The following ZDBF2 variants were observed in gnomAD, a reference collection of about 807,000 sequenced individuals.
The protein encoded by ZDBF2 is zinc finger DBF-type containing 2, also known as DBF4-type zinc finger-containing protein 2.
ZDBF2 carries 6 observed loss-of-function variants against 9.4 expected under a neutral mutation model. That is an observed-to-expected ratio of 0.64 (90% CI 0.35 to 1.27). The LOEUF (loss-of-function observed/expected upper bound fraction) is 1.27. Ranked by LOEUF, ZDBF2 falls within the 50% of genes most tolerant of loss-of-function variation. The pLI is 0.03. For synonymous variants in ZDBF2, 905 were observed against 946.3 expected (o/e 0.96, Z 0.80); for missense variants, 2,697 against 2,766.8 (o/e 0.97, Z 0.57).
At chr2:206,300,183 ACAAAAAC>A (rs1000948256) in intron 4 of ZDBF2, among the ~76,000 whole-genome samples, 7 of 152,324 alleles carry the variant, frequency 4.6e-5, no homozygotes, top group Admixed American at 3.3e-4. Flanking sequence ...TTTTAAAAAC[ACAAAAAC>A]CAAAAACCAA....
chr2:206,294,935 C>T (rs957437018), intron 3 of ZDBF2, among the ~76,000 whole-genome samples: 2 of 151,976 alleles, frequency 1.3e-5, no homozygotes, highest in African/African-American at 4.8e-5. Flanking sequence ...TGCATTTGTC[C>T]CCTTTAATCA....
rs1690888474 is a variant in ZDBF2, at chr2:206,274,816, A to T, written c.-233A>T. ...GTCGCCTATTTCTGGCTCCGCGGGC[A>T]GCGGGGCCGTGGCGCTCGGACGGTC... On this transcript the variant is annotated 5_prime_UTR_variant, in exon 1 of 5. Coordinates refer to ENST00000374423, the MANE Select transcript of ZDBF2 (RefSeq NM_020923.3). 3 of 152,180 alleles carry T rather than the reference A, an allele frequency of 2.0e-5. No homozygotes were observed. Among genetic ancestry groups the T allele is most frequent in the African/African-American group, 7.2e-5 (3 of 41,542 alleles). 9.4% of individuals were successfully genotyped at this position (152,180 alleles called of 1,614,324 possible). A position where few individuals can be genotyped will look rare whatever the true frequency, so the allele number is the denominator to read the frequency against.
chr2:206,307,518 G>C lies in ZDBF2; in HGVS notation c.2990G>C (p.Gly997Ala), dbSNP rs375019600. 1.9e-6 allele frequency: 3 copies of C among 1,613,732 alleles called. No individual in the cohort carries two copies. The highest frequency in any genetic ancestry group is 1.7e-6 in the Non-Finnish European group (2 of 1,179,736). ...EFQGRSTEFS[G>A]SKTSLDSGVP... is the part of the protein sequence containing the mutation. ...CAAGGTAGAAGTACTGAATTCAGTG[G>C]TTCAAAAACAAGTTTAGATTCTGGT... Residue 997 changes from glycine (G) to alanine (A), a missense_variant, in exon 5 of 5, where the codon GGT becomes GCT. Physicochemically the swap from Gly to Ala is moderately conservative, Grantham distance 60 (BLOSUM62 0). Coordinates refer to ENST00000374423, the MANE Select transcript of ZDBF2 (RefSeq NM_020923.3).
chr2:206,305,781 C>G lies in ZDBF2; in HGVS notation c.1253C>G (p.Thr418Ser), dbSNP rs1207485076. 4 of 1,613,630 alleles carry G rather than the reference C, an allele frequency of 2.5e-6. No individual in the cohort carries two copies. Among genetic ancestry groups the G allele is most frequent in the Admixed American group, 3.3e-5 (2 of 59,992 alleles). Residue 418 changes from threonine to serine, a missense_variant, in exon 5 of 5, where the codon ACT (threonine) becomes AGT (serine). Around this residue, in one of 3 missense-constraint regions of ZDBF2, gnomAD observed 910 missense variants for 973.6 expected, o/e 0.93. Transcript: ENST00000374423. ...TGCAGTTCCTCTTTTCATTCACTGA[C>G]TGACCAATCTAAAGTGAGTGCCAAA... ...FDCSSSFHSLTDQSKVSAKEV... is the reference protein window; with the variant it reads ...FDCSSSFHSLSDQSKVSAKEV...
Position 206,305,119 on chromosome 2 carries a change from T to C in ZDBF2, c.591T>C (p.Asp197=). ...PASCLPESSN[D]RPVTANTTSL... The stretch of plus-strand genomic sequence containing the variant: ...GTTGTTTACCTGAAAGCTCTAACGA[T>C]AGACCAGTTACAGCTAATACAACTA... Residue 197 remains aspartate (D), a synonymous_variant, in exon 5 of 5, where the codon GAT becomes GAC. Transcript: ENST00000374423. The C allele has an allele frequency of 6.2e-7, 1 of 1,613,840 alleles. No homozygotes were observed. The highest frequency in any genetic ancestry group is 1.7e-5 in the Admixed American group (1 of 59,976).
In ZDBF2 at chr2:206,306,170, T is replaced by C; in HGVS notation, c.1642T>C (p.Ser548Pro). 3 of 1,613,722 alleles carry C rather than the reference T, an allele frequency of 1.9e-6. No homozygotes were observed. The highest frequency in any genetic ancestry group is 2.5e-6 in the Non-Finnish European group (3 of 1,179,794). Residue 548 changes from serine to proline, a missense_variant, in exon 5 of 5, where the codon TCA becomes CCA. Around this residue, in one of 3 missense-constraint regions of ZDBF2, gnomAD observed 910 missense variants for 973.6 expected, o/e 0.93. Transcript: ENST00000374423. Reference sequence around the variant, plus strand: ...TGCTGATTCTGTTTTCCCACTGCAGTCAGTGGTTGACAGACCCCCAGTGGC... The same window carrying C: ...TGCTGATTCTGTTTTCCCACTGCAGCCAGTGGTTGACAGACCCCCAGTGGC... ...VSADSVFPLQ[S>P]VVDRPPVAVT...
intron 4 of ZDBF2, among the ~76,000 whole-genome samples, chr2:206,297,960 C>T (rs941177063): frequency 1.3e-5 from 2 of 152,126 alleles, no homozygotes; most frequent in African/African-American, 2.4e-5. Flanking sequence ...AGATTACAGG[C>T]GTGAGCTACC....
intron 3 of ZDBF2, among the ~76,000 whole-genome samples, chr2:206,285,652 A>G (rs563425995): frequency 8.9e-4 from 135 of 152,182 alleles, no homozygotes; most frequent in African/African-American, 3.0e-3. Context: ...CTTCAGTTTG[A>G]TATTATCCAG....
chr2:206,308,168 C>T lies in ZDBF2; in HGVS notation c.3640C>T (p.Leu1214=). Residue 1214 remains leucine, a synonymous_variant, in exon 5 of 5, where the codon CTG becomes TTG. Transcript: ENST00000374423. ...CCCTCTTCAGTCAGTGGCTGACCGG[C>T]TGAGAGAAACCGTTAAAGAAATAAG... ...DDPLQSVADR[L]RETVKEISLW... The T allele has an allele frequency of 3.7e-6, 6 of 1,613,760 alleles. No homozygotes were observed. The highest frequency in any genetic ancestry group is 5.1e-6 in the Non-Finnish European group (6 of 1,179,804).
Position 206,312,254 on chromosome 2 carries a change from T to G in ZDBF2, c.*661T>G, listed in dbSNP as rs968527890. On this transcript the variant is annotated 3_prime_UTR_variant, in exon 5 of 5. Transcript: ENST00000374423. ...TTAGATCTTAAAGGGGAAAATAATT[T>G]TGCCCATGTGTTTAGGCATTCCCCC... 6.6e-6 allele frequency: 1 copy of G among 152,162 alleles called. No homozygotes were observed. Among genetic ancestry groups the G allele is most frequent in the African/African-American group, 2.4e-5 (1 of 41,432 alleles). 9.4% of individuals were successfully genotyped at this position (152,162 alleles called of 1,614,324 possible).
rs536283019 is a variant in ZDBF2, at chr2:206,292,142, G to A, written c.61-5104G>A. Reference sequence around the variant, plus strand: ...GTAAATATGTAGGCAATCAATCTAAGTGAATACTGTCTTGTGGGATGAACA... The same window carrying A: ...GTAAATATGTAGGCAATCAATCTAAATGAATACTGTCTTGTGGGATGAACA... On this transcript the variant is annotated intron_variant, in intron 3 of 4. Coordinates refer to ENST00000374423, the MANE Select transcript of ZDBF2 (RefSeq NM_020923.3). The A allele has an allele frequency of 1.9e-3, 762 of 398,232 alleles. 1 individual carries two copies. Among genetic ancestry groups the A allele is most frequent in the Middle Eastern group, 3.8e-3 (6 of 1,582 alleles). 24.7% of individuals were successfully genotyped at this position (398,232 alleles called of 1,614,324 possible).
rs1690888615 is a variant in ZDBF2 at position 206,274,819 on chromosome 2, G to T, written c.-230G>T. 1 of 152,166 alleles carries T rather than the reference G, an allele frequency of 6.6e-6. No homozygotes were observed. The highest frequency in any genetic ancestry group is 2.4e-5 in the African/African-American group (1 of 41,454). The allele number at this position is 152,166 out of a possible 1,614,324, so 9.4% of individuals were successfully genotyped here. ...GCCTATTTCTGGCTCCGCGGGCAGC[G>T]GGGCCGTGGCGCTCGGACGGTCTGG... On this transcript the variant is annotated 5_prime_UTR_variant, in exon 1 of 5. Transcript: ENST00000374423.
chr2:206,285,772 T>A (rs1233490049), intron 3 of ZDBF2, among the ~76,000 whole-genome samples: 1 of 152,232 alleles, frequency 6.6e-6, no homozygotes, highest in Admixed American at 6.5e-5. Flanking sequence ...AGTAGTGTCA[T>A]AGTTTTGGGG....
At chr2:206,292,224 A>G (rs1559138924) in intron 3 of ZDBF2, 4 of 396,562 alleles carry the variant, frequency 1.0e-5, no homozygotes, top group East Asian at 3.6e-5. Flanking sequence ...AGGACTTTGC[A>G]TTGTTTATAA....
rs376406681 is a variant in ZDBF2, at chr2:206,309,492, A to G, written c.4964A>G (p.Asp1655Gly). Residue 1655 changes from aspartate (D) to glycine (G), a missense_variant, in exon 5 of 5, where the codon GAT (aspartate) becomes GGT (glycine). Asp to Gly is a moderately conservative substitution (Grantham distance 94). Transcript: ENST00000374423. Reference protein sequence around the residue: ...EKMVKYIDSEDKSCGYNGSKG... With the variant: ...EKMVKYIDSEGKSCGYNGSKG... ...ATGGTGAAATATATTGATTCAGAAG[A>G]TAAGAGCTGTGGATATAATGGTTCT... 4 of 1,613,872 alleles carry G rather than the reference A, an allele frequency of 2.5e-6. No homozygotes were observed. The highest frequency in any genetic ancestry group is 4.5e-5 in the East Asian group (2 of 44,900).
intron 3 of ZDBF2, among the ~76,000 whole-genome samples, chr2:206,289,738 TC>T (rs1691792668): frequency 6.6e-6 from 1 of 152,196 alleles, no homozygotes. Context: ...CCCAGACGGC[TC>T]CCTCAGCTGG....
intron 4 of ZDBF2, among the ~76,000 whole-genome samples, chr2:206,302,577 T>C (rs1326389503): frequency 6.6e-6 from 1 of 152,186 alleles, no homozygotes; most frequent in Non-Finnish European, 1.5e-5. Context: ...ATTGGTTTTA[T>C]TTTGAGAATG....
chr2:206,311,410 T>C lies in ZDBF2; in HGVS notation c.6882T>C (p.Pro2294=). Residue 2294 remains proline, a synonymous_variant, in exon 5 of 5, where the codon CCT becomes CCC. Coordinates refer to ENST00000374423, the MANE Select transcript of ZDBF2 (RefSeq NM_020923.3). ...TGGCAAATCCTCCTCCAAAGCGACCTGTGCGGGCTTCTTGCCGCGTTGCAA... is the reference window on the plus strand; with the variant it reads ...TGGCAAATCCTCCTCCAAAGCGACCCGTGCGGGCTTCTTGCCGCGTTGCAA... ...SAMANPPPKR[P]VRASCRVARR... is the part of the protein sequence containing the mutation. 1 of 1,605,124 alleles carries C rather than the reference T, an allele frequency of 6.2e-7. No homozygotes were observed. Among genetic ancestry groups the C allele is most frequent in the Non-Finnish European group, 8.5e-7 (1 of 1,177,248 alleles).
In ZDBF2 at chr2:206,308,711, C is replaced by T; in HGVS notation, c.4183C>T (p.His1395Tyr). 6.2e-7 allele frequency: 1 copy of T among 1,612,744 alleles called. No homozygotes were observed. The highest frequency in any genetic ancestry group is 8.5e-7 in the Non-Finnish European group (1 of 1,179,730). Residue 1395 changes from histidine (H) to tyrosine (Y), a missense_variant, in exon 5 of 5, where the codon CAT becomes TAT. This residue lies in a region of ZDBF2 where 1,783 missense variants were observed against 1,776.5 expected (regional missense o/e 1.00). Transcript: ENST00000374423. ...AGAAATAAATCTTTGGAAGGAAGAC[C>T]ATATTTACCTGGAAGATAAGAGCTA... ...VKEINLWKED[H>Y]IYLEDKSYKL...
Sources: allele counts gnomAD v4.1 joint callset (sites outside exome capture counted in the v4.1 genomes callset), GRCh38; gene constraint gnomAD v4.1.1; regional missense constraint gnomAD v4.1.1; transcripts MANE v1.5; gene names NCBI Gene and HGNC (gene_info 2026-07-23, HGNC 2026-07-21).